The following PPP2R5C variants were observed in gnomAD, a reference collection of about 807,000 sequenced individuals.
The protein encoded by PPP2R5C is serine/threonine-protein phosphatase 2A 56 kDa regulatory subunit gamma isoform.
In PPP2R5C, 7 loss-of-function variants were observed where a neutral mutation model predicts 68.9. The ratio of observed to expected loss-of-function variants is 0.10; its 90% confidence interval spans 0.06 to 0.19. The LOEUF (loss-of-function observed/expected upper bound fraction) is 0.19. PPP2R5C is among the 10% of genes least tolerant of loss of function. The pLI is 1.00. For synonymous variants in PPP2R5C, 210 were observed against 222.2 expected (o/e 0.95, Z 0.49); for missense variants, 348 against 641.3 (o/e 0.54, Z 4.94).
chr14:101,857,325 T>C (rs1026526554), intron 2 of PPP2R5C, among the ~76,000 whole-genome samples: 3 of 152,218 alleles, frequency 2.0e-5, no homozygotes, highest in Admixed American at 1.3e-4. Flanking sequence ...AGAACCAAGC[T>C]GGTGTCAGAA....
rs566227918 is a variant in PPP2R5C at position 101,835,284 on chromosome 14, T to C, written c.95-21402T>C. On this transcript the variant is annotated intron_variant, in intron 1 of 13. Coordinates refer to ENST00000334743, the Ensembl canonical transcript of PPP2R5C. This position sits in a 1 kb window ranked among gnomAD's most constrained non-coding sequence, Gnocchi z 5.0. ...GGGATAAGGGAAGCCCAGGGCAGGG[T>C]GTTGGCACAGAGCTGGGAGGTGCAT... Among the ~76,000 whole-genome samples the C allele has an allele frequency of 6.6e-6, 1 of 152,180 alleles. No homozygotes were observed. The highest frequency in any genetic ancestry group is 2.1e-4 in the South Asian group (1 of 4,808).
chr14:101,869,603 T>TGAG (rs2043268703), intron 2 of PPP2R5C, among the ~76,000 whole-genome samples: 2 of 152,196 alleles, frequency 1.3e-5, no homozygotes, highest in Admixed American at 6.5e-5. Context: ...TCAGTCCTTT[T>TGAG]ATCTCATTTT....
intron 3 of PPP2R5C, among the ~76,000 whole-genome samples, chr14:101,798,471 A>G (rs2038717510): frequency 6.6e-6 from 1 of 152,234 alleles, no homozygotes; most frequent in Non-Finnish European, 1.5e-5. Context: ...AGAATAAAGA[A>G]TAATTCCTTT....
At chr14:101,925,929 T>C (rs1444967950) in exon 14 of PPP2R5C, 1 of 152,648 alleles carries the variant, frequency 6.6e-6, no homozygotes, top group Non-Finnish European at 1.5e-5. Flanking sequence ...TCTGTGGTAC[T>C]CCAGGATTCC....
At chr14:101,870,666 G>A (rs528759787) in intron 2 of PPP2R5C, among the ~76,000 whole-genome samples, 19 of 152,126 alleles carry the variant, frequency 1.2e-4, no homozygotes, top group Non-Finnish European at 2.4e-4. Context: ...TTTAAAATCA[G>A]CTTGTTATCT....
intron 1 of PPP2R5C, among the ~76,000 whole-genome samples, chr14:101,814,612 G>A (rs966667079): frequency 3.9e-5 from 6 of 152,190 alleles, no homozygotes; most frequent in African/African-American, 1.4e-4. Context: ...TTGCCTTGCA[G>A]CAAAAGCTAT....
rs111919478 is a variant in PPP2R5C, at chr14:101,912,501, C to T, written c.1326+28C>T. The T allele has an allele frequency of 1.5e-5, 23 of 1,585,316 alleles. 1 individual carries two copies. The highest frequency in any genetic ancestry group is 9.6e-5 in the African/African-American group (7 of 72,876). Reference sequence around the variant, plus strand: ...ACTAAAAAAGAGAATAACATGAAAACGCCCAGGGTTACTTGAATGTTTTTA... The same window carrying T: ...ACTAAAAAAGAGAATAACATGAAAATGCCCAGGGTTACTTGAATGTTTTTA... On this transcript the variant is annotated intron_variant, in intron 12 of 13. Transcript: ENST00000334743.
At chr14:101,912,560 G>T in intron 12 of PPP2R5C, 87 bp downstream of exon 14, 1 of 1,409,930 alleles carries the variant, frequency 7.1e-7, no homozygotes, top group Non-Finnish European at 9.3e-7. Flanking sequence ...CCATGGGGGG[G>T]GTCTCGATTT....
At chr14:101,799,022 G>A (rs1481295524) in intron 3 of PPP2R5C, among the ~76,000 whole-genome samples, 1 of 152,226 alleles carries the variant, frequency 6.6e-6, no homozygotes, top group African/African-American at 2.4e-5. Context: ...GGTTTTGTAA[G>A]ATCAGAATTG....
chr14:101,880,587 G>A (rs571877896), intron 2 of PPP2R5C, among the ~76,000 whole-genome samples: 7 of 152,326 alleles, frequency 4.6e-5, no homozygotes, highest in African/African-American at 1.7e-4. Flanking sequence ...CTTAAGCCCA[G>A]GAGTTTGAGA....
At chr14:101,794,664 A>G (rs2038526751) in intron 3 of PPP2R5C, among the ~76,000 whole-genome samples, 1 of 152,206 alleles carries the variant, frequency 6.6e-6, no homozygotes, top group Non-Finnish European at 1.5e-5. Context: ...ATGTCCTTTA[A>G]GGCTGTTTTT....
chr14:101,919,969 C>CAAAAAAAAAAAAAAAAAA (rs34641396), intron 13 of PPP2R5C, among the ~76,000 whole-genome samples: 6 of 52,874 alleles, frequency 1.1e-4, no homozygotes, highest in African/African-American at 5.4e-4. Flanking sequence ...AACTCCGTCT[C>CAAAAAAAAAAAAAAAAAA]AAAAAAAAAA....
At chr14:101,775,941 G>A (rs1487560179) in intron 2 of PPP2R5C, among the ~76,000 whole-genome samples, 1 of 152,106 alleles carries the variant, frequency 6.6e-6, no homozygotes, top group Non-Finnish European at 1.5e-5. Flanking sequence ...GCTCTGGGAA[G>A]GGGAGGGAAC....
At chr14:101,763,566 A>G (rs1001679124) in intron 2 of PPP2R5C, among the ~76,000 whole-genome samples, 1 of 152,010 alleles carries the variant, frequency 6.6e-6, no homozygotes, top group African/African-American at 2.4e-5. Context: ...TATTTTTATT[A>G]GAGACGGGGT....
intron 2 of PPP2R5C, among the ~76,000 whole-genome samples, chr14:101,858,008 A>G (rs2042527571): frequency 6.6e-6 from 1 of 152,088 alleles, no homozygotes; most frequent in South Asian, 2.1e-4. Context: ...GATTGTTTTA[A>G]CTTGTTGTTT....
At chr14:101,839,213 G>A (rs2041306841) in intron 1 of PPP2R5C, 1 of 151,686 alleles carries the variant, frequency 6.6e-6, no homozygotes, top group African/African-American at 2.4e-5. Context: ...AGCCGGGAGT[G>A]GTGGCACATG....
At chr14:101,791,993 C>CAG (rs1270008450) in intron 3 of PPP2R5C, among the ~76,000 whole-genome samples, 1 of 152,084 alleles carries the variant, frequency 6.6e-6, no homozygotes, top group Non-Finnish European at 1.5e-5. Context: ...TTTGCTCTGC[C>CAG]AGACACCTGG....
chr14:101,777,489 A>G (rs1698907671), intron 2 of PPP2R5C, among the ~76,000 whole-genome samples: 1 of 152,046 alleles, frequency 6.6e-6, no homozygotes, highest in Admixed American at 6.6e-5. Flanking sequence ...AGCTGGGATT[A>G]CAGGCAAGCA....
intron 6 of PPP2R5C, 79 bp from the exon 9 acceptor site, chr14:101,892,921 A>G (rs756666020): frequency 2.6e-6 from 3 of 1,163,626 alleles, no homozygotes; most frequent in Non-Finnish European, 3.7e-6. Context: ...GGTGAAAACA[A>G]AAATTGAAAG....
Sources: allele counts gnomAD v4.1 joint callset (sites outside exome capture counted in the v4.1 genomes callset), GRCh38; gene constraint gnomAD v4.1.1; non-coding constraint Gnocchi (gnomAD v3.1); transcripts MANE v1.5; gene names NCBI Gene and HGNC (gene_info 2026-07-23, HGNC 2026-07-21).